Variants in PPM1L observed in about 807,000 individuals in gnomAD.
PPM1L encodes the protein protein phosphatase 1L.
Under a neutral mutation model 31.4 loss-of-function variants are expected in PPM1L, and 13 were observed. That is an observed-to-expected ratio of 0.41 (90% CI 0.27 to 0.66). The LOEUF is 0.66. PPM1L is among the 30% of genes least tolerant of loss of function. The pLI is 0.29. For missense variants in PPM1L, 326 were observed against 453.7 expected (o/e 0.72, Z 2.56); for synonymous variants, 184 against 175.4 (o/e 1.05, Z -0.39).
chr3:160,974,618 G>A (rs534620157), intron 2 of PPM1L, among the ~76,000 whole-genome samples: 15 of 151,328 alleles, frequency 9.9e-5, no homozygotes, highest in Non-Finnish European at 1.9e-4. Context: ...TTCTCTGATG[G>A]CCAGTGATGA....
At chr3:160,944,813 T>TATATAAC (rs1559896928) in intron 1 of PPM1L, among the ~76,000 whole-genome samples, 6 of 15,558 alleles carry the variant, frequency 3.9e-4, no homozygotes, top group African/African-American at 9.1e-4. Context: ...ATATATAACA[T>TATATAAC]ATATATGTTA....
At chr3:160,775,367 G>A (rs1711539625) in intron 1 of PPM1L, among the ~76,000 whole-genome samples, 1 of 152,104 alleles carries the variant, frequency 6.6e-6, no homozygotes, top group African/African-American at 2.4e-5. Flanking sequence ...GATGATCTGT[G>A]GGAAATATTT....
intron 2 of PPM1L, among the ~76,000 whole-genome samples, chr3:161,016,975 C>CT (rs1304298339): frequency 6.6e-6 from 1 of 151,502 alleles, no homozygotes; most frequent in Non-Finnish European, 1.5e-5. Flanking sequence ...TAATGCACTT[C>CT]TTTTTTTTTC....
chr3:161,031,496 TC>T (rs1402376883), intron 2 of PPM1L, among the ~76,000 whole-genome samples: 3 of 137,580 alleles, frequency 2.2e-5, no homozygotes, highest in African/African-American at 8.8e-5. Flanking sequence ...AGCTATGTAT[TC>T]TGTCCTTTTT....
chr3:160,907,061 C>G (rs780890899), intron 1 of PPM1L, among the ~76,000 whole-genome samples: 14 of 152,162 alleles, frequency 9.2e-5, no homozygotes, highest in Non-Finnish European at 1.8e-4. Flanking sequence ...ACATAAATAG[C>G]AGGGGCTCAG....
intron 2 of PPM1L, among the ~76,000 whole-genome samples, chr3:161,010,082 C>T (rs114916539): frequency 0.025 from 3,810 of 152,186 alleles, 84 homozygotes; most frequent in South Asian, 0.044. Flanking sequence ...TATACATGCA[C>T]CATGTGGGTG....
chr3:160,769,847 A>G (rs1407102065), intron 1 of PPM1L, among the ~76,000 whole-genome samples: 1 of 152,050 alleles, frequency 6.6e-6, no homozygotes, highest in East Asian at 1.9e-4. Context: ...CAAAGAGGGG[A>G]TTACTGGGAG....
At chr3:160,959,510 A>G (rs1715885182) in intron 1 of PPM1L, among the ~76,000 whole-genome samples, 1 of 152,224 alleles carries the variant, frequency 6.6e-6, no homozygotes, top group Admixed American at 6.5e-5. Context: ...TAGTAAGAAC[A>G]TGGAAACAAT....
intron 1 of PPM1L, among the ~76,000 whole-genome samples, chr3:160,776,600 G>A (rs1711562624): frequency 7.4e-6 from 1 of 134,524 alleles, no homozygotes. Context: ...TACTACCTTG[G>A]TGCCTTTTTT....
intron 1 of PPM1L, among the ~76,000 whole-genome samples, chr3:160,925,036 C>A (rs1714541008): frequency 1.3e-5 from 2 of 152,076 alleles, no homozygotes; most frequent in Admixed American, 1.3e-4. Flanking sequence ...TATTTCCTTT[C>A]AGAATAAACT....
intron 2 of PPM1L, among the ~76,000 whole-genome samples, chr3:161,011,068 G>A (rs1717878404): frequency 6.6e-6 from 1 of 152,178 alleles, no homozygotes; most frequent in Non-Finnish European, 1.5e-5. Flanking sequence ...TGCTTTTGGT[G>A]TTTCAGACGT....
chr3:160,894,953 A>G (rs1205114086), intron 1 of PPM1L, among the ~76,000 whole-genome samples: 2 of 152,174 alleles, frequency 1.3e-5, no homozygotes, highest in Non-Finnish European at 2.9e-5. Flanking sequence ...TTACTGAGTT[A>G]TATATCTTCC....
intron 1 of PPM1L, among the ~76,000 whole-genome samples, chr3:160,951,200 T>C: frequency 6.6e-6 from 1 of 152,340 alleles, no homozygotes; most frequent in East Asian, 1.9e-4. Flanking sequence ...GCTGTTTTTA[T>C]GTTGCCATCC....
chr3:160,910,292 C>A (rs1231943251), intron 1 of PPM1L, among the ~76,000 whole-genome samples: 1 of 128,186 alleles, frequency 7.8e-6, no homozygotes, highest in Admixed American at 8.0e-5. Context: ...CTTTCCCCTT[C>A]CCCGTTCCCT....
intron 1 of PPM1L, among the ~76,000 whole-genome samples, chr3:160,867,616 A>T (rs1316814575): frequency 3.3e-5 from 5 of 152,182 alleles, no homozygotes; most frequent in African/African-American, 1.2e-4. Context: ...CAATATTGCA[A>T]ACAGACAACT....
At chr3:161,052,882 C>G (rs548531443) in intron 2 of PPM1L, among the ~76,000 whole-genome samples, 1 of 152,190 alleles carries the variant, frequency 6.6e-6, no homozygotes, top group African/African-American at 2.4e-5. Context: ...CTTCTTCTCC[C>G]CTTTTCCTGT....
rs1262308638 is a variant in PPM1L at position 160,995,104 on chromosome 3, G to A, written c.574+33194G>A. Among the ~76,000 whole-genome samples, 4 of 152,168 alleles carry A rather than the reference G, an allele frequency of 2.6e-5. 1 individual carries two copies. Among genetic ancestry groups the A allele is most frequent in the African/African-American group, 7.2e-5 (3 of 41,444 alleles). On this transcript the variant is annotated intron_variant, in intron 2 of 3. Coordinates refer to ENST00000498165, the MANE Select transcript of PPM1L (RefSeq NM_139245.4). ...AAGCAAAGGTTGACAATTGGATTTC[G>A]TGAGATGGAGGTTTTCAATGTTCTC... is the stretch of plus-strand genomic sequence containing the variant.
chr3:160,856,582 C>T (rs1395758807), intron 1 of PPM1L, among the ~76,000 whole-genome samples: 1 of 152,130 alleles, frequency 6.6e-6, no homozygotes, highest in African/African-American at 2.4e-5. Flanking sequence ...CACATGTTCT[C>T]ACTTATAAGT....
At chr3:160,874,562 T>C (rs1476598479) in intron 1 of PPM1L, among the ~76,000 whole-genome samples, 1 of 152,206 alleles carries the variant, frequency 6.6e-6, no homozygotes, top group Non-Finnish European at 1.5e-5. Flanking sequence ...TTCCAAAAAT[T>C]GTACCACCAA....
Sources: gnomAD v4.1 joint callset for allele counts (sites outside exome capture counted in the v4.1 genomes callset) on GRCh38, gnomAD v4.1.1 for gene constraint, MANE v1.5 for transcripts, NCBI Gene and HGNC (gene_info 2026-07-23, HGNC 2026-07-21) for gene names.